BCAR1: variants seen among roughly 807,000 people sequenced by gnomAD.
BCAR1 encodes breast cancer anti-estrogen resistance protein 1.
In BCAR1, 30 loss-of-function variants were observed where a neutral mutation model predicts 67.6. That is an observed-to-expected ratio of 0.44 (90% CI 0.33 to 0.60). BCAR1 has a LOEUF of 0.60. Ranked by LOEUF, BCAR1 falls within the 20% of genes least tolerant of loss-of-function variation. The pLI is 0.02. For missense variants in BCAR1, 1,313 were observed against 1,222.3 expected, an observed-to-expected ratio of 1.07 and a Z score of -1.11; for synonymous variants, 626 against 556.7, an observed-to-expected ratio of 1.12 and a Z score of -1.75.
chr16:75,248,142 A>C, intron 1 of BCAR1: 1 of 1,593,540 alleles, frequency 6.3e-7, no homozygotes, highest in Non-Finnish European at 8.5e-7. Flanking sequence ...GGCCGACCCC[A>C]GGCTGAGACA....
At chr16:75,252,001 G>T, upstream of BCAR1, 1 of 630,534 alleles carries the variant, frequency 1.6e-6, no homozygotes, top group Non-Finnish European at 2.7e-6. Context: ...AAGTCGACTT[G>T]TCTTTCCCGC....
Position 75,242,505 on chromosome 16 carries a change from T to A in BCAR1, c.598A>T (p.Thr200Ser). 1 of 1,468,612 alleles carries A rather than the reference T, an allele frequency of 6.8e-7. No individual in the cohort carries two copies. Among genetic ancestry groups the A allele is most frequent in the Non-Finnish European group, 9.0e-7 (1 of 1,111,042 alleles). 91.0% of individuals were successfully genotyped at this position (1,468,612 alleles called of 1,614,324 possible). ...DIYQVPPSMDTRSWEGTKPPA... is the reference protein window; with the variant it reads ...DIYQVPPSMDSRSWEGTKPPA... The stretch of plus-strand genomic sequence containing the variant: ...GGCTTCGTGCCCTCCCAGCTGCGTG[T>A]GTCCATGGACGGGGGGACCTGGTAG... Residue 200 changes from threonine (T) to serine (S), a missense_variant, in exon 2 of 7, where the codon ACA becomes TCA. Physicochemically the swap from Thr to Ser is moderately conservative, Grantham distance 58. Coordinates refer to ENST00000162330, the MANE Select transcript of BCAR1 (RefSeq NM_014567.5).
At chr16:75,257,600 G>A (rs758979957) in intron 1 of BCAR1, among the ~76,000 whole-genome samples, 10 of 152,224 alleles carry the variant, frequency 6.6e-5, no homozygotes, top group African/African-American at 1.2e-4. Flanking sequence ...GTCTACAGGT[G>A]TGCACCGCCA....
At chr16:75,244,581 G>C (rs2077460037) in intron 1 of BCAR1, among the ~76,000 whole-genome samples, 1 of 152,252 alleles carries the variant, frequency 6.6e-6, no homozygotes, top group African/African-American at 2.4e-5. Context: ...CAGACATTCA[G>C]ACCCCATGGT....
chr16:75,251,590 G>A lies in BCAR1; in HGVS notation c.-108C>T, dbSNP rs1482889827. ...GCGCCGCAGCCGCCCCGGTGCCGCC[G>A]CGCAGCTGCCGCCTCGGCCACCCAG... On this transcript the variant is annotated 5_prime_UTR_variant, in exon 1 of 7. Transcript: ENST00000162330. 4 of 1,043,568 alleles carry A rather than the reference G, an allele frequency of 3.8e-6. No individual in the cohort carries two copies. Among genetic ancestry groups the A allele is most frequent in the Admixed American group, 1.1e-4 (2 of 17,890 alleles). 64.6% of individuals were successfully genotyped at this position (1,043,568 alleles called of 1,614,324 possible).
chr16:75,264,359 C>T (rs2077961873), intron 1 of BCAR1: 2 of 1,525,152 alleles, frequency 1.3e-6, no homozygotes, highest in Non-Finnish European at 1.8e-6. Context: ...ACCGGCCCTC[C>T]AGCAGGCTCA....
At chr16:75,249,990 GT>G (rs2077627336) in intron 1 of BCAR1, 1 of 152,248 alleles carries the variant, frequency 6.6e-6, no homozygotes, top group Non-Finnish European at 1.5e-5. Context: ...TGGGAAAGGG[GT>G]TTGAGGAGCT....
intron 6 of BCAR1, 66 bp from the exon 7 acceptor site, chr16:75,230,089 C>A (rs2076845954): frequency 6.7e-7 from 1 of 1,502,310 alleles, no homozygotes; most frequent in East Asian, 2.3e-5. Flanking sequence ...AGGCCGAGAC[C>A]TGGGCACCCT....
At chr16:75,247,938 T>C in intron 1 of BCAR1, 1 of 781,294 alleles carries the variant, frequency 1.3e-6, no homozygotes, top group East Asian at 2.5e-5. Context: ...GCCACACTTG[T>C]CACTAAGTTC....
chr16:75,248,068 A>ATGGT, intron 1 of BCAR1: 1 of 1,569,824 alleles, frequency 6.4e-7, no homozygotes, highest in Non-Finnish European at 8.7e-7. Context: ...ATCTTACTAG[A>ATGGT]CAGGAAAACC....
At chr16:75,239,708 C>A (rs1427343731) in intron 2 of BCAR1, among the ~76,000 whole-genome samples, 1 of 152,170 alleles carries the variant, frequency 6.6e-6, no homozygotes, top group Non-Finnish European at 1.5e-5. Flanking sequence ...CCAGGACACA[C>A]CCCAGCATGA....
At chr16:75,239,252 G>A (rs1227314252) in intron 2 of BCAR1, among the ~76,000 whole-genome samples, 1 of 152,078 alleles carries the variant, frequency 6.6e-6, no homozygotes, top group Non-Finnish European at 1.5e-5. Flanking sequence ...GGGGTTAGGG[G>A]AACACAGCCA....
At chr16:75,240,853 CCT>C (rs1310666886) in intron 2 of BCAR1, among the ~76,000 whole-genome samples, 2 of 152,340 alleles carry the variant, frequency 1.3e-5, no homozygotes, top group African/African-American at 2.4e-5. Context: ...TGGCTGAGCC[CCT>C]GATGCAATTG....
chr16:75,251,174 G>A (rs966735220), intron 1 of BCAR1, among the ~76,000 whole-genome samples: 1 of 152,072 alleles, frequency 6.6e-6, no homozygotes, highest in African/African-American at 2.4e-5. Flanking sequence ...GCAGGCGGCC[G>A]TCGGCCGGGG....
intron 6 of BCAR1, among the ~76,000 whole-genome samples, chr16:75,231,118 A>G (rs955996780): frequency 2.0e-5 from 3 of 148,382 alleles, no homozygotes; most frequent in Admixed American, 6.7e-5. Context: ...TTTTTTTTAA[A>G]TGGAGTCTTG....
chr16:75,239,950 G>A (rs1359458479), intron 2 of BCAR1, among the ~76,000 whole-genome samples: 2 of 152,294 alleles, frequency 1.3e-5, no homozygotes, highest in African/African-American at 4.8e-5. Context: ...CTACCTGAGC[G>A]ACCTCCCACA....
At chr16:75,246,616 C>CT (rs2077530760) in intron 1 of BCAR1, 1 of 152,408 alleles carries the variant, frequency 6.6e-6, no homozygotes, top group Non-Finnish European at 1.5e-5. Context: ...ACACCGCAGA[C>CT]TCCATGGATG....
At chr16:75,266,107 G>A (rs2078005438) in intron 1 of BCAR1, 21 of 919,256 alleles carry the variant, frequency 2.3e-5, no homozygotes, top group South Asian at 1.0e-4. Context: ...CAACGCGGCG[G>A]GGAGGCGCGG....
intron 1 of BCAR1, among the ~76,000 whole-genome samples, chr16:75,259,492 T>C (rs2077850396): frequency 1.3e-5 from 2 of 152,040 alleles, no homozygotes; most frequent in South Asian, 4.1e-4. Context: ...GAGACAGATA[T>C]CCATCCACAA....
Sources: allele counts gnomAD v4.1 joint callset (sites outside exome capture counted in the v4.1 genomes callset), GRCh38; gene constraint gnomAD v4.1.1; transcripts MANE v1.5; gene names NCBI Gene and HGNC (gene_info 2026-07-23, HGNC 2026-07-21).